Variants in BTBD9 observed in about 807,000 individuals in gnomAD.
The protein encoded by BTBD9 is BTB/POZ domain-containing protein 9.
BTBD9 carries 49 observed loss-of-function variants against 64.3 expected under a neutral mutation model. That is an observed-to-expected ratio of 0.76 (90% CI 0.61 to 0.97). BTBD9 has a LOEUF of 0.97. BTBD9 is among the 50% of genes least tolerant of loss of function. BTBD9 has a pLI of 0.00. For synonymous variants in BTBD9, 260 were observed against 274.7 expected (o/e 0.95, Z 0.53); for missense variants, 598 against 762.1 (o/e 0.78, Z 2.53).
At chr6:38,303,122 C>T (rs561276726) in intron 7 of BTBD9, among the ~76,000 whole-genome samples, 47 of 152,132 alleles carry the variant, frequency 3.1e-4, no homozygotes, top group East Asian at 1.7e-3. Context: ...TTGCCTTTGC[C>T]GTGCAGAAGC....
chr6:38,450,552 G>GA (rs977318946), intron 6 of BTBD9, among the ~76,000 whole-genome samples: 58 of 151,836 alleles, frequency 3.8e-4, no homozygotes, highest in African/African-American at 1.3e-3. Flanking sequence ...CAATTAAAAA[G>GA]AAAGAAAAAA....
intron 7 of BTBD9, among the ~76,000 whole-genome samples, chr6:38,305,728 C>G (rs1300373624): frequency 2.0e-5 from 3 of 152,114 alleles, no homozygotes; most frequent in Admixed American, 2.0e-4. Flanking sequence ...AAGTGATCCA[C>G]CTGCCTCAGC....
At chr6:38,309,601 C>A (rs577504263) in intron 7 of BTBD9, among the ~76,000 whole-genome samples, 1 of 151,542 alleles carries the variant, frequency 6.6e-6, no homozygotes, top group Non-Finnish European at 1.5e-5. Context: ...TTAGTAGAGA[C>A]GGGGTTTCAC....
intron 6 of BTBD9, among the ~76,000 whole-genome samples, chr6:38,519,097 G>GA (rs1321848800): frequency 2.0e-5 from 3 of 152,194 alleles, no homozygotes; most frequent in Admixed American, 2.0e-4. Context: ...TTCTGCTGCA[G>GA]ATATGTATAG....
In BTBD9 at chr6:38,209,732, T is replaced by C. The variant is rs193082579; in HGVS notation, c.1563-17135A>G. On this transcript the variant is annotated intron_variant, in intron 9 of 10. Transcript: ENST00000481247. ...TAGGAGCAGCTTGCTAGCATGGACATGTGGCATCTTCTGTCCCGACTACAG... is the reference window on the plus strand; with the variant it reads ...TAGGAGCAGCTTGCTAGCATGGACACGTGGCATCTTCTGTCCCGACTACAG... Among the ~76,000 whole-genome samples, 279 of 152,332 alleles carry C rather than the reference T, an allele frequency of 1.8e-3. 2 individuals are homozygous for C. Among genetic ancestry groups the C allele is most frequent in the African/African-American group, 6.3e-3 (260 of 41,568 alleles).
intron 7 of BTBD9, among the ~76,000 whole-genome samples, chr6:38,316,600 C>T (rs1376814783): frequency 6.6e-6 from 1 of 152,166 alleles, no homozygotes; most frequent in African/African-American, 2.4e-5. Flanking sequence ...TTCATCTCCC[C>T]ACTTTTTAAC....
intron 6 of BTBD9, among the ~76,000 whole-genome samples, chr6:38,420,685 A>T (rs1023150668): frequency 3.9e-5 from 6 of 152,004 alleles, no homozygotes; most frequent in African/African-American, 1.4e-4. Flanking sequence ...GTGAAACTCC[A>T]TCTCTACTAA....
At chr6:38,623,463 C>T (rs757662091) in intron 1 of BTBD9, among the ~76,000 whole-genome samples, 14 of 152,182 alleles carry the variant, frequency 9.2e-5, no homozygotes, top group Non-Finnish European at 2.9e-5. Flanking sequence ...AAAATCTATC[C>T]TTACTCTACA....
At chr6:38,320,637 T>C (rs1234566335) in intron 7 of BTBD9, among the ~76,000 whole-genome samples, 3 of 152,200 alleles carry the variant, frequency 2.0e-5, no homozygotes, top group Non-Finnish European at 2.9e-5. Context: ...TGACTGTTTC[T>C]CTACCTATAA....
At chr6:38,271,654 T>C (rs1561953871) in intron 8 of BTBD9, among the ~76,000 whole-genome samples, 1 of 152,138 alleles carries the variant, frequency 6.6e-6, no homozygotes, top group Non-Finnish European at 1.5e-5. Flanking sequence ...CTACTTGTCC[T>C]TTTATGGAAA....
intron 7 of BTBD9, among the ~76,000 whole-genome samples, chr6:38,338,346 T>C (rs1420601510): frequency 6.6e-6 from 1 of 152,192 alleles, no homozygotes; most frequent in African/African-American, 2.4e-5. Flanking sequence ...ATTGTTTATA[T>C]CTGGGATTTT....
chr6:38,612,438 T>C (rs1777642237), intron 1 of BTBD9, among the ~76,000 whole-genome samples: 1 of 152,226 alleles, frequency 6.6e-6, no homozygotes, highest in Non-Finnish European at 1.5e-5. Flanking sequence ...TTAGAGATCA[T>C]AGGCAAAAGA....
intron 6 of BTBD9, among the ~76,000 whole-genome samples, chr6:38,414,261 C>T (rs1767566231): frequency 3.9e-5 from 6 of 152,104 alleles, no homozygotes. Context: ...AATATTCTCC[C>T]TGCTATCTGG....
intron 8 of BTBD9, among the ~76,000 whole-genome samples, chr6:38,266,670 GAAAGAAAGAAGAAAA>G (rs1561947712): frequency 2.9e-5 from 3 of 104,992 alleles, no homozygotes; most frequent in Non-Finnish European, 2.0e-5. Context: ...AAGAAAGAAA[GAAAGAAAGAAGAAAA>G]AGAAAATTAT....
intron 6 of BTBD9, among the ~76,000 whole-genome samples, chr6:38,530,896 G>T (rs35509063): frequency 6.6e-6 from 1 of 151,914 alleles, no homozygotes; most frequent in African/African-American, 2.4e-5. Flanking sequence ...AGAATTAAGT[G>T]AGCTTGAAAA....
chr6:38,542,854 G>A (rs1774350885), intron 6 of BTBD9, among the ~76,000 whole-genome samples: 1 of 152,128 alleles, frequency 6.6e-6, no homozygotes, highest in African/African-American at 2.4e-5. Context: ...TTGCTTATAA[G>A]GATCTGTTTA....
intron 7 of BTBD9, among the ~76,000 whole-genome samples, chr6:38,307,727 T>C (rs1762676998): frequency 6.6e-6 from 1 of 152,232 alleles, no homozygotes; most frequent in Non-Finnish European, 1.5e-5. Context: ...ACATCTTATC[T>C]TAAGATTATA....
In BTBD9 at chr6:38,609,367, C is replaced by T. The variant is rs991935639; in HGVS notation, c.-27-11246G>A. Among the ~76,000 whole-genome samples the T allele has an allele frequency of 1.8e-4, 27 of 151,918 alleles. No homozygotes were observed. The South Asian group carries it at 1.9e-3, about 11-fold the overall frequency. ...CCTGGATGACAGGGCAAGACCTTGT[C>T]TCAAAAAAAAAGAGTTTAAGTCCAA... On this transcript the variant is annotated intron_variant, in intron 1 of 10. Transcript: ENST00000481247.
At chr6:38,514,914 G>A (rs1362449091) in intron 6 of BTBD9, among the ~76,000 whole-genome samples, 1 of 152,148 alleles carries the variant, frequency 6.6e-6, no homozygotes, top group Non-Finnish European at 1.5e-5. Flanking sequence ...CTTCAACACT[G>A]CAGACCTTCG....
Sources: gnomAD v4.1 joint callset for allele counts (sites outside exome capture counted in the v4.1 genomes callset) on GRCh38, gnomAD v4.1.1 for gene constraint, MANE v1.5 for transcripts, NCBI Gene and HGNC (gene_info 2026-07-23, HGNC 2026-07-21) for gene names.